GRM8: variants seen among roughly 807,000 people sequenced by gnomAD.
GRM8 encodes the protein metabotropic glutamate receptor 8.
Under a neutral mutation model 87.2 loss-of-function variants are expected in GRM8, and 47 were observed. The ratio of observed to expected loss-of-function variants is 0.54; its 90% CI spans 0.43 to 0.69. The LOEUF is 0.69. GRM8 is among the 30% of genes least tolerant of loss of function. The pLI is 0.00. For missense variants in GRM8, 1,019 were observed against 1,139.2 expected (o/e 0.89, Z 1.52); for synonymous variants, 396 against 404.5 (o/e 0.98, Z 0.25).
chr7:126,824,947 A>C (rs900153812), intron 6 of GRM8, among the ~76,000 whole-genome samples: 2 of 152,218 alleles, frequency 1.3e-5, no homozygotes, highest in Non-Finnish European at 2.9e-5. Context: ...AACTCTCTCA[A>C]AGAGCCTCTC....
chr7:126,507,671 A>G (rs1268217549), intron 9 of GRM8, among the ~76,000 whole-genome samples: 1 of 152,038 alleles, frequency 6.6e-6, no homozygotes, highest in Non-Finnish European at 1.5e-5. Context: ...TTTGCCTTTC[A>G]CTATTGGCAA....
At chr7:127,093,678 T>C (rs751078207) in intron 3 of GRM8, among the ~76,000 whole-genome samples, 6 of 152,230 alleles carry the variant, frequency 3.9e-5, no homozygotes, top group Non-Finnish European at 8.8e-5. Context: ...TTACTTGAAA[T>C]TCCTTTCCCA....
intron 7 of GRM8, among the ~76,000 whole-genome samples, chr7:126,661,107 G>A (rs527450890): frequency 1.3e-5 from 2 of 152,088 alleles, no homozygotes; most frequent in African/African-American, 4.8e-5. Context: ...GCACAACAGG[G>A]TGACTATAGT....
At chr7:127,251,483 T>C (rs1297437616) in intron 1 of GRM8, among the ~76,000 whole-genome samples, 2 of 152,118 alleles carry the variant, frequency 1.3e-5, no homozygotes, top group East Asian at 1.9e-4. Flanking sequence ...ATCTCTACCA[T>C]AACAGCGACC....
chr7:126,657,325 T>C lies in GRM8; in HGVS notation c.1358-47827A>G, dbSNP rs369233413. ...TATTACATTGGTGCAAAAGTAATTG[T>C]GGTTTTTAATTGTGGTGAAAACCGC... On this transcript the variant is annotated intron_variant, in intron 7 of 10. Coordinates refer to ENST00000339582, the MANE Select transcript of GRM8 (RefSeq NM_000845.3). Among the ~76,000 whole-genome samples, 37 of 152,324 alleles carry C rather than the reference T, an allele frequency of 2.4e-4. 1 individual carries two copies. The East Asian group carries it at 4.2e-3, about 17-fold the overall frequency.
At chr7:127,228,728 C>G (rs1260276223) in intron 2 of GRM8, 1 of 152,064 alleles carries the variant, frequency 6.6e-6, no homozygotes, top group African/African-American at 2.4e-5. Context: ...ATCCATGAAT[C>G]ATAGGGTATT....
chr7:126,463,578 G>A (rs941330003), intron 9 of GRM8, among the ~76,000 whole-genome samples: 5 of 151,622 alleles, frequency 3.3e-5, no homozygotes, highest in African/African-American at 1.2e-4. Context: ...TTTGGTTAGG[G>A]AAAGAAAGCA....
chr7:127,233,804 G>A (rs925185178), intron 2 of GRM8, among the ~76,000 whole-genome samples: 2 of 152,202 alleles, frequency 1.3e-5, no homozygotes, highest in African/African-American at 4.8e-5. Context: ...GCCTAATGAA[G>A]TAATACAGCA....
intron 2 of GRM8, among the ~76,000 whole-genome samples, chr7:127,123,669 T>G (rs1827204412): frequency 6.6e-6 from 1 of 152,182 alleles, no homozygotes; most frequent in African/African-American, 2.4e-5. Flanking sequence ...CAAAATGAAC[T>G]AAGACAACTT....
chr7:126,456,274 C>G (rs941443717), intron 9 of GRM8, among the ~76,000 whole-genome samples: 1 of 151,388 alleles, frequency 6.6e-6, no homozygotes, highest in African/African-American at 2.4e-5. Flanking sequence ...ATGTCCAGCA[C>G]TCTCCACTGC....
chr7:127,223,992 T>C (rs1173940124), intron 2 of GRM8, among the ~76,000 whole-genome samples: 1 of 148,976 alleles, frequency 6.7e-6, no homozygotes, highest in Non-Finnish European at 1.5e-5. Context: ...ATCTGTGAAC[T>C]TACAGATAAA....
chr7:126,878,863 G>A (rs1352782511), intron 6 of GRM8, among the ~76,000 whole-genome samples: 1 of 148,248 alleles, frequency 6.7e-6, no homozygotes, highest in Non-Finnish European at 1.5e-5. Context: ...CCTTTTTATT[G>A]TTTAAAAAAC....
At chr7:126,646,020 G>A (rs1358662090) in intron 7 of GRM8, among the ~76,000 whole-genome samples, 3 of 152,060 alleles carry the variant, frequency 2.0e-5, no homozygotes, top group Admixed American at 2.0e-4. Context: ...CTCTAGAGCT[G>A]AAGTAGAGAG....
intron 2 of GRM8, among the ~76,000 whole-genome samples, chr7:127,139,132 G>T (rs1828113846): frequency 1.3e-5 from 2 of 152,110 alleles, no homozygotes; most frequent in South Asian, 4.1e-4. Context: ...CTGACTTCCA[G>T]CCCATCAGCT....
Position 127,051,355 on chromosome 7 carries a change from C to T in GRM8, c.727+55141G>A, listed in dbSNP as rs569287845. On this transcript the variant is annotated intron_variant, in intron 3 of 10. Transcript: ENST00000339582. ...TTTTCCCTTCGTGGCAAAAAAAAAA[C>T]CTGCACACGTACCCTGAACCTAAAA... 8.6e-5 allele frequency among the ~76,000 whole-genome samples: 13 copies of T among 151,882 alleles called. No homozygotes were observed. The South Asian group carries it at 2.7e-3, about 32-fold the overall frequency.
intron 8 of GRM8, among the ~76,000 whole-genome samples, chr7:126,595,609 T>C (rs1012452818): frequency 1.3e-5 from 2 of 151,744 alleles, no homozygotes; most frequent in Admixed American, 1.3e-4. Context: ...AGGGGTTTGG[T>C]GTACATATTA....
chr7:126,987,405 T>C (rs1037071083), intron 3 of GRM8, among the ~76,000 whole-genome samples: 1 of 152,134 alleles, frequency 6.6e-6, no homozygotes, highest in African/African-American at 2.4e-5. Context: ...GTATATTAAG[T>C]GTTACGTTCT....
chr7:126,961,190 G>A (rs918755774), intron 3 of GRM8, among the ~76,000 whole-genome samples: 3 of 151,950 alleles, frequency 2.0e-5, no homozygotes, highest in Non-Finnish European at 2.9e-5. Context: ...GGTTAAGCTT[G>A]GGAAAAAAAA....
intron 6 of GRM8, among the ~76,000 whole-genome samples, chr7:126,845,408 A>G (rs923241522): frequency 3.9e-5 from 6 of 152,218 alleles, no homozygotes; most frequent in African/African-American, 1.4e-4. Context: ...TAGATGCCTT[A>G]GCTCAACCTA....
Sources: allele counts gnomAD v4.1 joint callset (sites outside exome capture counted in the v4.1 genomes callset), GRCh38; gene constraint gnomAD v4.1.1; transcripts MANE v1.5; gene names NCBI Gene and HGNC (gene_info 2026-07-23, HGNC 2026-07-21).